The following RBMS3 variants were observed in gnomAD, a reference collection of about 807,000 sequenced individuals.
RBMS3 encodes RNA-binding motif, single-stranded-interacting protein 3.
A neutral mutation model predicts 66.8 loss-of-function variants in RBMS3; 27 were observed. The observed-to-expected ratio is 0.40, with a 90% CI of 0.30 to 0.56. RBMS3 has a LOEUF of 0.56. RBMS3 is among the 20% of genes least tolerant of loss of function. RBMS3 has a pLI of 0.40. For missense variants in RBMS3, 513 were observed against 549.5 expected (o/e 0.93, Z 0.66); for synonymous variants, 188 against 183.0 (o/e 1.03, Z -0.22).
At chr3:29,854,355 G>T (rs181943544) in intron 6 of RBMS3, among the ~76,000 whole-genome samples, 2 of 152,280 alleles carry the variant, frequency 1.3e-5, no homozygotes, top group African/African-American at 2.4e-5. Flanking sequence ...GGCAAATCTG[G>T]CACATCTGTT....
chr3:29,788,587 T>C (rs1196637320), intron 6 of RBMS3, among the ~76,000 whole-genome samples: 1 of 152,192 alleles, frequency 6.6e-6, no homozygotes, highest in Non-Finnish European at 1.5e-5. Flanking sequence ...CATATAGTAT[T>C]CCATTGAACA....
At chr3:29,440,862 C>G (rs2041593542) in intron 2 of RBMS3, among the ~76,000 whole-genome samples, 1 of 152,162 alleles carries the variant, frequency 6.6e-6, no homozygotes, top group Admixed American at 6.6e-5. Flanking sequence ...ACAATCAAAC[C>G]TTTTATCAGT....
At chr3:29,384,417 CAATAAT>C (rs532698967) in intron 1 of RBMS3, among the ~76,000 whole-genome samples, 11 of 137,464 alleles carry the variant, frequency 8.0e-5, no homozygotes, top group African/African-American at 3.0e-4. Context: ...ACATATACAC[CAATAAT>C]AATAATAATA....
At chr3:29,651,111 C>T (rs74545460) in intron 4 of RBMS3, among the ~76,000 whole-genome samples, 3,053 of 152,192 alleles carry the variant, frequency 0.02, 39 homozygotes, top group Admixed American at 0.029. Context: ...GACTAAAAGA[C>T]TGACTTAATC....
At chr3:29,898,537 C>T (rs954354182) in intron 9 of RBMS3, among the ~76,000 whole-genome samples, 6 of 151,614 alleles carry the variant, frequency 4.0e-5, no homozygotes, top group African/African-American at 1.5e-4. Context: ...TGATTCCCCC[C>T]AAAGCAGATC....
intron 2 of RBMS3, among the ~76,000 whole-genome samples, chr3:29,473,113 T>C (rs1449071693): frequency 7.7e-6 from 1 of 129,090 alleles, no homozygotes; most frequent in Non-Finnish European, 1.7e-5. Context: ...TTGAGCTAGA[T>C]AGAGAGTGCC....
intron 1 of RBMS3, among the ~76,000 whole-genome samples, chr3:29,379,537 A>T (rs2125620434): frequency 6.6e-6 from 1 of 152,292 alleles, no homozygotes; most frequent in East Asian, 1.9e-4. Flanking sequence ...CACGTCTCAC[A>T]TGGCGGCAGT....
In RBMS3 at chr3:29,615,470, GCA is replaced by G. The variant is rs112880454; in HGVS notation, c.399+28290_399+28291del. On this transcript the variant is annotated intron_variant, in intron 4 of 14. Transcript: ENST00000383767. Reference sequence around the variant, plus strand: ...ATATGAAGGACTTGGACTACAGTTAGCACACACACACACACACACACACACAT... The same window carrying G: ...ATATGAAGGACTTGGACTACAGTTAGCACACACACACACACACACACACAT... Among the ~76,000 whole-genome samples, 1,059 of 144,294 alleles carry G rather than the reference GCA, an allele frequency of 7.3e-3. 27 individuals are homozygous for G. The highest frequency in any genetic ancestry group is 0.058 in the Admixed American group (848 of 14,628). The allele number at this position is 144,294 out of a possible 152,430, so 94.7% of individuals were successfully genotyped here.
At chr3:29,435,457 C>T (rs1353769884) in intron 2 of RBMS3, among the ~76,000 whole-genome samples, 1 of 152,160 alleles carries the variant, frequency 6.6e-6, no homozygotes, top group East Asian at 1.9e-4. Context: ...TATCTCCCAC[C>T]AAGGCCAAGG....
chr3:29,772,311 G>A (rs2581887), intron 6 of RBMS3, among the ~76,000 whole-genome samples: 115,170 of 151,912 alleles, frequency 0.76, 44,727 homozygotes, highest in East Asian at 0.97. Context: ...AGTCTTAGAT[G>A]ATTTTTTCTA....
intron 5 of RBMS3, among the ~76,000 whole-genome samples, chr3:29,748,363 A>T (rs1035422778): frequency 6.6e-6 from 1 of 152,210 alleles, no homozygotes; most frequent in Non-Finnish European, 1.5e-5. Context: ...GATTAAGTAC[A>T]GAGTTTATTT....
intron 1 of RBMS3, among the ~76,000 whole-genome samples, chr3:29,428,978 T>C (rs2041075754): frequency 6.6e-6 from 1 of 152,210 alleles, no homozygotes; most frequent in Admixed American, 6.5e-5. Flanking sequence ...TGCTGATACT[T>C]AGATGCTCCA....
intron 4 of RBMS3, among the ~76,000 whole-genome samples, chr3:29,635,187 A>G (rs981148991): frequency 8.6e-5 from 13 of 151,742 alleles, no homozygotes; most frequent in African/African-American, 3.1e-4. Context: ...TTATATTTCC[A>G]TATCAAATCT....
At chr3:29,991,995 AT>A (rs1698908756) in intron 14 of RBMS3, among the ~76,000 whole-genome samples, 1 of 152,152 alleles carries the variant, frequency 6.6e-6, no homozygotes. Context: ...TTGAGTAAAC[AT>A]TTGGCAAACT....
chr3:29,775,200 A>T (rs1001492168), intron 6 of RBMS3, among the ~76,000 whole-genome samples: 5 of 151,776 alleles, frequency 3.3e-5, no homozygotes, highest in Admixed American at 3.3e-4. Flanking sequence ...TAATGGAGCA[A>T]TTAAAAAATA....
intron 6 of RBMS3, among the ~76,000 whole-genome samples, chr3:29,792,141 TATG>T (rs1260882617): frequency 1.3e-5 from 2 of 152,200 alleles, no homozygotes; most frequent in Admixed American, 6.5e-5. Context: ...TATATAACAC[TATG>T]ATTTCTTTTT....
intron 1 of RBMS3, among the ~76,000 whole-genome samples, chr3:29,410,069 G>T (rs1405234550): frequency 6.6e-6 from 1 of 152,108 alleles, no homozygotes; most frequent in African/African-American, 2.4e-5. Flanking sequence ...TCAAATGTTT[G>T]ACCATAAGAC....
At chr3:29,466,906 G>T (rs369217497) in intron 2 of RBMS3, among the ~76,000 whole-genome samples, 1 of 151,972 alleles carries the variant, frequency 6.6e-6, no homozygotes, top group African/African-American at 2.4e-5. Flanking sequence ...CTAATTGATG[G>T]TGCCAGTGAA....
intron 1 of RBMS3, among the ~76,000 whole-genome samples, chr3:29,375,234 G>T (rs1559528795): frequency 6.6e-6 from 1 of 152,090 alleles, no homozygotes; most frequent in Non-Finnish European, 1.5e-5. Context: ...CTTAAATGTA[G>T]AACTCCAAGC....
Sources: gnomAD v4.1 joint callset for allele counts (sites outside exome capture counted in the v4.1 genomes callset) on GRCh38, gnomAD v4.1.1 for gene constraint, MANE v1.5 for transcripts, NCBI Gene and HGNC (gene_info 2026-07-23, HGNC 2026-07-21) for gene names.